The following MUC4 variants were observed in gnomAD, a reference collection of about 807,000 sequenced individuals.
The protein encoded by MUC4 is mucin-4.
MUC4 carries 202 observed loss-of-function variants against 257.9 expected under a neutral mutation model. The observed-to-expected ratio is 0.78, with a 90% CI of 0.70 to 0.88. The LOEUF (loss-of-function observed/expected upper bound fraction) is 0.88. Among genes scored for constraint, MUC4 ranks in the 40% least tolerant of loss-of-function variants. The probability of loss-of-function intolerance (pLI) is 0.00; values close to 1 mark genes in which losing one functional copy is unlikely to be tolerated. For synonymous variants in MUC4, 2,351 were observed against 2,757.1 expected (o/e 0.85, Z 4.62); for missense variants, 5,976 against 6,513.7 (o/e 0.92, Z 2.84).
Position 195,762,117 on chromosome 3 carries a change from C to G in MUC4, c.14482G>C (p.Glu4828Gln), listed in dbSNP as rs527606179. The change falls in exon 14 of 25, where the codon GAG becomes CAG. Residue 4828 changes from glutamate (E) to glutamine (Q), a missense_variant. Physicochemically the swap from Glu to Gln is conservative, Grantham distance 29. Around this residue, in one of 44 missense-constraint regions of MUC4, gnomAD observed 996 missense variants for 1,137.3 expected, o/e 0.88. Coordinates refer to ENST00000463781, the MANE Select transcript of MUC4 (RefSeq NM_018406.7). ...ILHASASLPP[E>Q]YQNRTEGLLG... is the part of the protein sequence containing the mutation. Reference sequence around the variant, plus strand: ...AGCCCCTCCGTGCGGTTCTGGTACTCGGGCGGGAGGCTGGCGGAGGCGTGG... The same window carrying G: ...AGCCCCTCCGTGCGGTTCTGGTACTGGGGCGGGAGGCTGGCGGAGGCGTGG... The G allele has an allele frequency of 3.1e-6, 5 of 1,606,486 alleles. No individual in the cohort carries two copies. In the South Asian group the frequency reaches 4.4e-5, roughly 14 times the overall value.
chr3:195,767,471 CCAT>C (rs1456160313), intron 7 of MUC4, among the ~76,000 whole-genome samples: 1 of 136,824 alleles, frequency 7.3e-6, no homozygotes, highest in African/African-American at 2.7e-5. Context: ...ACTACCACCA[CCAT>C]CACCATCACC....
Position 195,784,077 on chromosome 3 carries a change from G to A in MUC4, c.7503C>T (p.Ser2501=), listed in dbSNP as rs1252041830. The A allele has an allele frequency of 8.5e-6, 13 of 1,529,020 alleles. No individual in the cohort carries two copies. The highest frequency in any genetic ancestry group is 2.1e-4 in the Middle Eastern group (1 of 4,692). The allele number at this position is 1,529,020 out of a possible 1,614,324, so 94.7% of individuals were successfully genotyped here. A position where few individuals can be genotyped will look rare whatever the true frequency, so the allele number is the denominator to read the frequency against. ...TGDTTRLPVT[S]PSSASTGHTT... is the part of the protein sequence containing the mutation. Reference sequence around the variant, plus strand: ...TGTGACCTGTAGATGCTGAGGAAGGGCTGGTGACAGGAAGACGGGTGGTGT... The same window carrying A: ...TGTGACCTGTAGATGCTGAGGAAGGACTGGTGACAGGAAGACGGGTGGTGT... Residue 2501 remains serine (S), a synonymous_variant, in exon 2 of 25, where the codon AGC becomes AGT. Coordinates refer to ENST00000463781, the MANE Select transcript of MUC4 (RefSeq NM_018406.7).
Position 195,789,763 on chromosome 3 carries a change from G to T in MUC4, c.1817C>A (p.Thr606Lys), listed in dbSNP as rs771566604. 1.9e-6 allele frequency: 3 copies of T among 1,614,010 alleles called. No individual in the cohort carries two copies. The highest frequency in any genetic ancestry group is 2.2e-5 in the South Asian group (2 of 91,082). Reference sequence around the variant, plus strand: ...TGGTGCCGTTGTAATTTGTTGGGATGTGTGTCTATCCAGCATAGGTGAAGA... The same window carrying T: ...TGGTGCCGTTGTAATTTGTTGGGATTTGTGTCTATCCAGCATAGGTGAAGA... The part of the protein sequence containing the change: ...PSSSPMLDRH[T>K]SQQITTAPST... Residue 606 changes from threonine (T) to lysine (K), a missense_variant, in exon 2 of 25, where the codon ACA (threonine) becomes AAA (lysine). Thr to Lys is a moderately conservative substitution (Grantham distance 78). This residue lies in a region of MUC4 where 1,583 missense variants were observed against 1,257.4 expected (regional missense o/e 1.26). Coordinates refer to ENST00000463781, the MANE Select transcript of MUC4 (RefSeq NM_018406.7).
intron 4 of MUC4, among the ~76,000 whole-genome samples, chr3:195,772,811 G>A (rs1723324675): frequency 7.1e-6 from 1 of 141,282 alleles, no homozygotes; most frequent in Non-Finnish European, 1.5e-5. Flanking sequence ...ATCGCTCAGG[G>A]GTGTAGACAC....
At chr3:195,791,698 C>G (rs1182522893) in intron 1 of MUC4, among the ~76,000 whole-genome samples, 1 of 152,074 alleles carries the variant, frequency 6.6e-6, no homozygotes, top group Non-Finnish European at 1.5e-5. Context: ...CAATCCTAAG[C>G]AAAAAGAACA....
chr3:195,762,802 C>G (rs1682144827), intron 13 of MUC4, 53 bp downstream of exon 13: 1 of 1,159,730 alleles, frequency 8.6e-7, no homozygotes, highest in East Asian at 3.1e-5. Context: ...GGCTTCCCGC[C>G]CACCTCGCTG....
rs1157361961 is a variant in MUC4, at chr3:195,783,910, T to C, written c.7670A>G (p.His2557Arg). The stretch of plus-strand genomic sequence containing the variant: ...GTCGGTGACAGGAAGAGAGGTGGCG[T>C]GACCTGTGGATGCTGAGGAAGGGCT... ...VTSPSSASTG[H>R]ATSLPVTDTS... is the part of the protein sequence containing the mutation. The change falls in exon 2 of 25, where the codon CAC (histidine) becomes CGC (arginine). Residue 2557 changes from histidine (H) to arginine (R), a missense_variant. His to Arg is a conservative substitution (Grantham distance 29). Coordinates refer to ENST00000463781, the MANE Select transcript of MUC4 (RefSeq NM_018406.7). 1 of 1,513,996 alleles carries C rather than the reference T, an allele frequency of 6.6e-7. No individual in the cohort carries two copies. The highest frequency in any genetic ancestry group is 1.2e-5 in the South Asian group (1 of 82,360). 93.8% of individuals were successfully genotyped at this position (1,513,996 alleles called of 1,614,324 possible).
chr3:195,756,211 G>A (rs572087860), intron 18 of MUC4, among the ~76,000 whole-genome samples: 56 of 152,332 alleles, frequency 3.7e-4, no homozygotes, highest in African/African-American at 1.3e-3. Context: ...AGACAGGACT[G>A]TAAGCGGCCT....
chr3:195,766,604 G>T, intron 8 of MUC4, 59 bp downstream of exon 8: 1 of 1,483,240 alleles, frequency 6.7e-7, no homozygotes, highest in Non-Finnish European at 9.4e-7. Flanking sequence ...ATGGTGTATG[G>T]GCTGGAGGAC....
chr3:195,784,016 A>G lies in MUC4; in HGVS notation c.7564T>C (p.Ser2522Pro). 1.3e-6 allele frequency: 2 copies of G among 1,522,054 alleles called. No individual in the cohort carries two copies. Among genetic ancestry groups the G allele is most frequent in the African/African-American group, 1.6e-5 (1 of 64,382 alleles). 94.3% of individuals were successfully genotyped at this position (1,522,054 alleles called of 1,614,324 possible). Reference protein sequence around the residue: ...PLPVTDTPSASTGDTTPLPVT... With the variant: ...PLPVTDTPSAPTGDTTPLPVT... ...GGAAGAGGGGTGGTGTCACCTGTGG[A>G]TGCTGAGGGAGTGTCGGTGACAGGT... Residue 2522 changes from serine to proline, a missense_variant, in exon 2 of 25, where the codon TCC becomes CCC. Coordinates refer to ENST00000463781, the MANE Select transcript of MUC4 (RefSeq NM_018406.7).
At chr3:195,752,044 G>C (rs904467831) in intron 21 of MUC4, 8 of 347,130 alleles carry the variant, frequency 2.3e-5, no homozygotes, top group Non-Finnish European at 4.3e-5. Context: ...CCAAGAAGAG[G>C]GAGCCGCCCG....
rs2149035429 is a variant in MUC4, at chr3:195,788,804, ACGC to A, written c.2773_2775del (p.Ala925del). 5 of 1,613,872 alleles carry A rather than the reference ACGC, an allele frequency of 3.1e-6. No homozygotes were observed. In the East Asian group the frequency reaches 1.1e-4, roughly 36 times the overall value. On this transcript the variant is annotated inframe_deletion, in exon 2 of 25. Transcript: ENST00000463781. ...GTTGAGAAGGTGTCGGTTGCCTGGG[ACGC>A]CAGGCTGATAGTGTCAGACCCTCTG...
At chr3:195,759,542 A>G (rs1718346672) in intron 16 of MUC4, among the ~76,000 whole-genome samples, 1 of 152,176 alleles carries the variant, frequency 6.6e-6, no homozygotes, top group Non-Finnish European at 1.5e-5. Flanking sequence ...TGGGTATGAC[A>G]AAAAGTGAAT....
Position 195,788,791 on chromosome 3 carries a change from T to G in MUC4, c.2789A>C (p.Asp930Ala). 6.2e-7 allele frequency: 1 copy of G among 1,613,724 alleles called. No homozygotes were observed. Among genetic ancestry groups the G allele is most frequent in the East Asian group, 2.2e-5 (1 of 44,874 alleles). Residue 930 changes from aspartate to alanine, a missense_variant, in exon 2 of 25, where the codon GAC (aspartate) becomes GCC (alanine). Coordinates refer to ENST00000463781, the MANE Select transcript of MUC4 (RefSeq NM_018406.7). ...TGTGGGTGGGACTGTTGAGAAGGTGTCGGTTGCCTGGGACGCCAGGCTGAT... is the reference window on the plus strand; with the variant it reads ...TGTGGGTGGGACTGTTGAGAAGGTGGCGGTTGCCTGGGACGCCAGGCTGAT... ...DTISLASQAT[D>A]TFSTVPPTPP...
At chr3:195,762,326 G>A (rs1221261082) in intron 13 of MUC4, 72 bp from the exon 14 acceptor site, 28 of 1,457,286 alleles carry the variant, frequency 1.9e-5, no homozygotes, top group Non-Finnish European at 2.3e-5. Context: ...GCGCCCTGCC[G>A]GGCCCGCACC....
Position 195,789,802 on chromosome 3 carries a change from G to A in MUC4, c.1778C>T (p.Ala593Val). The A allele has an allele frequency of 6.2e-7, 1 of 1,614,016 alleles. No individual in the cohort carries two copies. The highest frequency in any genetic ancestry group is 8.5e-7 in the Non-Finnish European group (1 of 1,179,876). The change falls in exon 2 of 25, where the codon GCC (alanine) becomes GTC (valine). Residue 593 changes from alanine (A) to valine (V), a missense_variant. Around this residue, in one of 44 missense-constraint regions of MUC4, gnomAD observed 1,583 missense variants for 1,257.4 expected, o/e 1.26. Transcript: ENST00000463781. ...CATAGGTGAAGAAGATGGGGATGTG[G>A]CCGTTTTTATCATCTGAGTCACACT... ...SYSVTQMIKT[A>V]TSPSSSPMLD... is the part of the protein sequence containing the mutation.
chr3:195,789,452 T>TCGGGGCCTGGGTTGTGTGACCATCCC lies in MUC4; in HGVS notation c.2102_2127dup (p.Thr710GlyfsTer44). 6.2e-7 allele frequency: 1 copy of TCGGGGCCTGGGTTGTGTGACCATCCC among 1,613,932 alleles called. No individual in the cohort carries two copies. The highest frequency in any genetic ancestry group is 1.1e-5 in the South Asian group (1 of 91,090). On this transcript the variant is annotated frameshift_variant, in exon 2 of 25. Transcript: ENST00000463781. LOFTEE classifies it high-confidence loss of function. The stretch of plus-strand genomic sequence containing the variant: ...CTGGGTGCTGCCTGCAGTGCTGTGG[T>TCGGGGCCTGGGTTGTGTGACCATCCC]CGGGGCCTGGGTTGTGTGACCATCC...
At chr3:195,796,262 T>C (rs945643992) in intron 1 of MUC4, among the ~76,000 whole-genome samples, 2 of 151,956 alleles carry the variant, frequency 1.3e-5, no homozygotes, top group Non-Finnish European at 2.9e-5. Flanking sequence ...TTTGTATTTT[T>C]AGTAGAGACT....
rs1464370660 is a variant in MUC4, at chr3:195,746,911, C to A, written c.*265G>T. On this transcript the variant is annotated 3_prime_UTR_variant, in exon 25 of 25. Coordinates refer to ENST00000463781, the MANE Select transcript of MUC4 (RefSeq NM_018406.7). ...GTGTGTGTGTGTGTGTGTGTGCACG[C>A]GCGCGTGCACAGGCTAGTGTCCTTC... 1.8e-6 allele frequency: 1 copy of A among 571,340 alleles called. No individual in the cohort carries two copies. The highest frequency in any genetic ancestry group is 3.1e-6 in the Non-Finnish European group (1 of 322,486). 35.4% of individuals were successfully genotyped at this position (571,340 alleles called of 1,614,324 possible). A position where few individuals can be genotyped will look rare whatever the true frequency, so the allele number is the denominator to read the frequency against.
Sources: gnomAD v4.1 joint callset for allele counts (sites outside exome capture counted in the v4.1 genomes callset) on GRCh38, gnomAD v4.1.1 for gene constraint, gnomAD v4.1.1 regional missense constraint, MANE v1.5 for transcripts, NCBI Gene and HGNC (gene_info 2026-07-23, HGNC 2026-07-21) for gene names.